The following GRK5 variants were observed in gnomAD, a reference collection of about 807,000 sequenced individuals.
The protein encoded by GRK5 is g protein-coupled receptor kinase GRK5.
GRK5 carries 40 observed loss-of-function variants against 78.4 expected under a neutral mutation model. The ratio of observed to expected loss-of-function variants is 0.51; its 90% confidence interval spans 0.40 to 0.66. The LOEUF (loss-of-function observed/expected upper bound fraction) is 0.66, where lower values mean the gene tolerates loss of function less well. GRK5 is among the 30% of genes least tolerant of loss of function. The probability of loss-of-function intolerance (pLI) is 0.00; values close to 1 mark genes in which losing one functional copy is unlikely to be tolerated. For missense variants in GRK5, 598 were observed against 759.9 expected, an observed-to-expected ratio of 0.79 and a Z score of 2.50; for synonymous variants, 289 against 296.8, an observed-to-expected ratio of 0.97 and a Z score of 0.27.
chr10:119,281,694 C>T lies in GRK5; in HGVS notation c.53-44822C>T, dbSNP rs959007272. On this transcript the variant is annotated intron_variant, in intron 1 of 15. Coordinates refer to ENST00000392870, the MANE Select transcript of GRK5 (RefSeq NM_005308.3). ...GGGGTGGTGGTTGGCCGCCTCTTCT[C>T]TTGGGCCCCTGCCCATTTGGAAGCG... 2.0e-5 allele frequency among the ~76,000 whole-genome samples: 3 copies of T among 152,210 alleles called. No homozygotes were observed. The East Asian group carries it at 5.8e-4, about 29-fold the overall frequency.
At chr10:119,367,497 G>T (rs575381334) in intron 2 of GRK5, among the ~76,000 whole-genome samples, 20 of 152,198 alleles carry the variant, frequency 1.3e-4, no homozygotes, top group Admixed American at 3.3e-4. Context: ...AACCCACTGC[G>T]CCCTGTTCTT....
rs1017856191 is a variant in GRK5, at chr10:119,267,702, C to T, written c.53-58814C>T. Reference sequence around the variant, plus strand: ...GACCCAAACTGTCCTCCAGGAAAGGCGGGAGGCAGCTTAGGTGACCTCTGC... The same window carrying T: ...GACCCAAACTGTCCTCCAGGAAAGGTGGGAGGCAGCTTAGGTGACCTCTGC... On this transcript the variant is annotated intron_variant, in intron 1 of 15. Transcript: ENST00000392870. The surrounding 1 kb of genome is among the most constrained non-coding windows in gnomAD (Gnocchi z 4.1). Among the ~76,000 whole-genome samples, 9 of 152,184 alleles carry T rather than the reference C, an allele frequency of 5.9e-5. No homozygotes were observed. The highest frequency in any genetic ancestry group is 5.8e-4 in the East Asian group (3 of 5,198).
Position 119,281,239 on chromosome 10 carries a change from C to T in GRK5, c.53-45277C>T, listed in dbSNP as rs1404023555. ...GGTCATTCTGCTCACATGGACACCTCTTCACCTTCCTCTCAGGGACTCTGC... is the reference window on the plus strand; with the variant it reads ...GGTCATTCTGCTCACATGGACACCTTTTCACCTTCCTCTCAGGGACTCTGC... On this transcript the variant is annotated intron_variant, in intron 1 of 15. Transcript: ENST00000392870. Among the ~76,000 whole-genome samples, 4 of 151,626 alleles carry T rather than the reference C, an allele frequency of 2.6e-5. No individual in the cohort carries two copies. In the East Asian group the frequency reaches 7.7e-4, roughly 29 times the overall value.
chr10:119,232,721 C>T (rs113496160), intron 1 of GRK5, among the ~76,000 whole-genome samples: 9,301 of 152,228 alleles, frequency 0.061, 397 homozygotes, highest in Non-Finnish European at 0.094. Flanking sequence ...TGTCTCCCAC[C>T]ATGATTATGA....
intron 1 of GRK5, among the ~76,000 whole-genome samples, chr10:119,248,408 C>T (rs992112293): frequency 1.3e-5 from 2 of 152,214 alleles, no homozygotes; most frequent in Admixed American, 1.3e-4. Context: ...TTCCTTCACA[C>T]TGGCCCATGT....
chr10:119,308,686 C>G (rs2061078), intron 1 of GRK5, among the ~76,000 whole-genome samples: 3 of 152,206 alleles, frequency 2.0e-5, no homozygotes, highest in African/African-American at 7.2e-5. Context: ...TCTTACGCCT[C>G]GTTCTGAGGA....
chr10:119,358,332 G>GT (rs374774393), intron 2 of GRK5, among the ~76,000 whole-genome samples: 281 of 152,304 alleles, frequency 1.8e-3, no homozygotes, highest in African/African-American at 6.5e-3. Flanking sequence ...TGCCCGGGGT[G>GT]TAGCAAATGC....
chr10:119,294,858 T>C (rs1379072808), intron 1 of GRK5, among the ~76,000 whole-genome samples: 4 of 152,174 alleles, frequency 2.6e-5, no homozygotes, highest in African/African-American at 4.8e-5. Flanking sequence ...CCATGTGGTC[T>C]GCAAAGACAA....
chr10:119,366,003 G>T (rs953314776), intron 2 of GRK5, among the ~76,000 whole-genome samples: 3 of 152,226 alleles, frequency 2.0e-5, no homozygotes, highest in African/African-American at 7.2e-5. Context: ...TCTATGCTGG[G>T]TGCCAACATG....
chr10:119,321,474 T>TG (rs1850584319), intron 1 of GRK5, among the ~76,000 whole-genome samples: 2 of 152,220 alleles, frequency 1.3e-5, no homozygotes, highest in Non-Finnish European at 2.9e-5. Flanking sequence ...CCTTGGCTCG[T>TG]GGCCCCTTCC....
chr10:119,363,006 A>G (rs541808541), intron 2 of GRK5, among the ~76,000 whole-genome samples: 1 of 152,192 alleles, frequency 6.6e-6, no homozygotes, highest in Admixed American at 6.5e-5. Flanking sequence ...TTGACTGGGC[A>G]TGGTGGCTCA....
chr10:119,358,372 G>A (rs950403315), intron 2 of GRK5, among the ~76,000 whole-genome samples: 29 of 152,188 alleles, frequency 1.9e-4, no homozygotes, highest in African/African-American at 7.0e-4. Flanking sequence ...CTGACCATGT[G>A]ATTTGACTGG....
intron 1 of GRK5, among the ~76,000 whole-genome samples, chr10:119,279,893 T>G (rs973247828): frequency 1.3e-5 from 2 of 152,090 alleles, no homozygotes; most frequent in African/African-American, 4.8e-5. Context: ...GGTTTGCACA[T>G]GCTGGAGGGT....
intron 1 of GRK5, among the ~76,000 whole-genome samples, chr10:119,268,123 C>T (rs1379443292): frequency 6.6e-6 from 1 of 152,170 alleles, no homozygotes; most frequent in African/African-American, 2.4e-5. Flanking sequence ...CTGGCCTCAC[C>T]CACAGCTCCA....
At chr10:119,277,784 G>A (rs11198855) in intron 1 of GRK5, among the ~76,000 whole-genome samples, 20,279 of 152,060 alleles carry the variant, frequency 0.13, 1,432 homozygotes, top group Middle Eastern at 0.17. Context: ...CTCTGGATTC[G>A]CTTGTATTTT....
intron 1 of GRK5, among the ~76,000 whole-genome samples, chr10:119,325,996 G>A (rs752736864): frequency 1.3e-5 from 2 of 152,218 alleles, no homozygotes; most frequent in Admixed American, 6.5e-5. Context: ...TTTGTGAGGA[G>A]CAAGAAGAAG....
At chr10:119,321,826 C>T (rs920170919) in intron 1 of GRK5, among the ~76,000 whole-genome samples, 1 of 152,158 alleles carries the variant, frequency 6.6e-6, no homozygotes, top group African/African-American at 2.4e-5. Context: ...GCACCCTCGG[C>T]TTGGGGCTGC....
chr10:119,415,110 GAAA>G (rs971271633), intron 4 of GRK5, among the ~76,000 whole-genome samples: 11 of 144,772 alleles, frequency 7.6e-5, no homozygotes, highest in African/African-American at 2.8e-4. Context: ...AAAAGAAAAA[GAAA>G]AAAGAAATGG....
chr10:119,434,165 A>G (rs1852876712), intron 8 of GRK5, among the ~76,000 whole-genome samples: 1 of 152,190 alleles, frequency 6.6e-6, no homozygotes, highest in Non-Finnish European at 1.5e-5. Flanking sequence ...CATAGGAATT[A>G]TGGGAGTACA....
Sources: gnomAD v4.1 joint callset for allele counts (sites outside exome capture counted in the v4.1 genomes callset) on GRCh38, gnomAD v4.1.1 for gene constraint, Gnocchi (gnomAD v3.1) non-coding constraint, MANE v1.5 for transcripts, NCBI Gene and HGNC (gene_info 2026-07-23, HGNC 2026-07-21) for gene names.